Variants in TNR observed in about 807,000 individuals in gnomAD.
TNR encodes the protein tenascin R.
Under a neutral mutation model 150.4 loss-of-function variants are expected in TNR, and 45 were observed. The observed-to-expected ratio is 0.30, with a 90% CI of 0.24 to 0.38. The LOEUF is 0.38. Ranked by LOEUF, TNR falls within the 10% of genes least tolerant of loss-of-function variation. The pLI, the probability that TNR is intolerant of heterozygous loss-of-function variation, is 1.00. For synonymous variants in TNR, 687 were observed against 678.4 expected (o/e 1.01, Z -0.20); for missense variants, 1,544 against 1,759.1 (o/e 0.88, Z 2.19).
chr1:175,319,772 T>C lies in TNR; in HGVS notation c.*3585A>G, dbSNP rs1338114057. 2 of 152,258 alleles carry C rather than the reference T, an allele frequency of 1.3e-5. No homozygotes were observed. The highest frequency in any genetic ancestry group is 2.9e-5 in the Non-Finnish European group (2 of 68,048). 9.4% of individuals were successfully genotyped at this position (152,258 alleles called of 1,614,324 possible). ...CCTGGAAACTTGGAGACGTGGCCTTTCTCAACCCCGCTGACGTTTCACACG... is the reference window on the plus strand; with the variant it reads ...CCTGGAAACTTGGAGACGTGGCCTTCCTCAACCCCGCTGACGTTTCACACG... On this transcript the variant is annotated 3_prime_UTR_variant, in exon 23 of 23. Coordinates refer to ENST00000367674, the MANE Select transcript of TNR (RefSeq NM_003285.3).
chr1:175,521,634 TCTC>T (rs1659642853), intron 2 of TNR, among the ~76,000 whole-genome samples: 1 of 152,202 alleles, frequency 6.6e-6, no homozygotes, highest in Admixed American at 6.5e-5. Flanking sequence ...TTCTCTTTCA[TCTC>T]CTCCTTTTGT....
chr1:175,499,565 T>C (rs1026270044), intron 2 of TNR, among the ~76,000 whole-genome samples: 3 of 152,242 alleles, frequency 2.0e-5, no homozygotes, highest in African/African-American at 7.2e-5. Context: ...ACCCTAGCTT[T>C]AGCAGATGTG....
At chr1:175,491,595 C>A (rs1242960628) in intron 2 of TNR, among the ~76,000 whole-genome samples, 1 of 150,522 alleles carries the variant, frequency 6.6e-6, no homozygotes, top group African/African-American at 2.5e-5. Flanking sequence ...CACTTTCTAC[C>A]ATAGCACAAG....
chr1:175,429,821 C>T (rs1347740538), intron 2 of TNR, among the ~76,000 whole-genome samples: 1 of 152,128 alleles, frequency 6.6e-6, no homozygotes, highest in Non-Finnish European at 1.5e-5. Flanking sequence ...GTAGTCTCAT[C>T]ACCAAGAAGG....
chr1:175,669,725 C>A (rs1273017620), intron 1 of TNR, among the ~76,000 whole-genome samples: 1 of 152,202 alleles, frequency 6.6e-6, no homozygotes. Flanking sequence ...AGAATCAGAG[C>A]TGGCTGCAGG....
intron 1 of TNR, among the ~76,000 whole-genome samples, chr1:175,691,132 A>G (rs1666357961): frequency 1.3e-5 from 2 of 151,924 alleles, no homozygotes; most frequent in Admixed American, 1.3e-4. Flanking sequence ...GACAGCATGC[A>G]GCTGAGAAGG....
At chr1:175,415,692 G>T (rs2102056810) in intron 2 of TNR, among the ~76,000 whole-genome samples, 1 of 152,340 alleles carries the variant, frequency 6.6e-6, no homozygotes, top group African/African-American at 2.4e-5. Flanking sequence ...CCAGCTTCTG[G>T]TCTTGTCCTG....
chr1:175,431,744 G>T (rs1655273508), intron 2 of TNR, among the ~76,000 whole-genome samples: 1 of 151,324 alleles, frequency 6.6e-6, no homozygotes, highest in Non-Finnish European at 1.5e-5. Context: ...GTAGTCTTCT[G>T]GTCCCTCAAG....
At chr1:175,378,302 CTTCATTCA>C (rs71299425) in intron 9 of TNR, among the ~76,000 whole-genome samples, 4,780 of 151,190 alleles carry the variant, frequency 0.032, 189 homozygotes, top group African/African-American at 0.093. Flanking sequence ...ACTTCTGCAG[CTTCATTCA>C]TTCATTCATT....
chr1:175,407,050 G>T (rs1365408004), intron 2 of TNR, among the ~76,000 whole-genome samples: 1 of 152,210 alleles, frequency 6.6e-6, no homozygotes, highest in Non-Finnish European at 1.5e-5. Flanking sequence ...TGGGCAAATG[G>T]TTCTTGGAGG....
At chr1:175,485,159 G>C (rs1427580051) in intron 2 of TNR, among the ~76,000 whole-genome samples, 1 of 152,082 alleles carries the variant, frequency 6.6e-6, no homozygotes, top group Non-Finnish European at 1.5e-5. Context: ...TGATGCATTT[G>C]GCATTTCAGT....
At chr1:175,681,385 G>A (rs1322513873) in intron 1 of TNR, among the ~76,000 whole-genome samples, 1 of 152,192 alleles carries the variant, frequency 6.6e-6, no homozygotes, top group Non-Finnish European at 1.5e-5. Flanking sequence ...ACCCAGAGGT[G>A]CAGGAAGTCA....
At chr1:175,504,132 T>G (rs1658854845) in intron 2 of TNR, among the ~76,000 whole-genome samples, 1 of 151,724 alleles carries the variant, frequency 6.6e-6, no homozygotes, top group Non-Finnish European at 1.5e-5. Flanking sequence ...TTGAAGGGAG[T>G]TTCTAGAGTG....
At position 175,406,643 on chromosome 1, in the gene TNR, G is replaced by A. The variant is rs146677518; in HGVS notation, c.72C>T (p.Ser24=). 2.4e-3 allele frequency: 3,929 copies of A among 1,614,222 alleles called. 7 individuals carry two copies. Among genetic ancestry groups the A allele is most frequent in the Non-Finnish European group, 2.9e-3 (3,467 of 1,180,048 alleles). The change falls in exon 3 of 23, where the codon TCC becomes TCT. Residue 24 remains serine, a synonymous_variant. Transcript: ENST00000367674. ...LIGINLILLG[S]MIKPSECQLE... is the part of the protein sequence containing the mutation. The stretch of plus-strand genomic sequence containing the variant: ...GCTGACACTCTGAAGGCTTGATCAT[G>A]GAGCCCAGAAGGATCAGGTTGATGC...
intron 1 of TNR, among the ~76,000 whole-genome samples, chr1:175,634,197 A>G (rs952909616): frequency 3.9e-5 from 6 of 152,200 alleles, no homozygotes; most frequent in Non-Finnish European, 8.8e-5. Flanking sequence ...GGAGGAGGGC[A>G]GAGCTGTGTG....
At chr1:175,523,656 G>A (rs187386768) in intron 2 of TNR, among the ~76,000 whole-genome samples, 140 of 152,222 alleles carry the variant, frequency 9.2e-4, no homozygotes, top group Middle Eastern at 6.8e-3. Flanking sequence ...CCTTAGCACA[G>A]GTTATTTTGG....
intron 4 of TNR, among the ~76,000 whole-genome samples, chr1:175,400,013 T>C (rs1165563924): frequency 3.9e-5 from 6 of 152,330 alleles, no homozygotes; most frequent in South Asian, 2.1e-4. Context: ...GAAACAGCTT[T>C]CTGGATTGTC....
intron 2 of TNR, among the ~76,000 whole-genome samples, chr1:175,476,834 G>A (rs1180889677): frequency 1.3e-5 from 2 of 152,192 alleles, no homozygotes; most frequent in Non-Finnish European, 2.9e-5. Context: ...TGGAAGCTCA[G>A]AATGTGGGTG....
rs376631339 is a variant in TNR, at chr1:175,332,933, GGT to G, written c.3632-2700_3632-2699del. Reference sequence around the variant, plus strand: ...AATAACCTTGAATAATAGGAAGAAAGGTATTTCCAAATTTAATCTCAGTCTTT... The same window carrying G: ...AATAACCTTGAATAATAGGAAGAAAGATTTCCAAATTTAATCTCAGTCTTT... On this transcript the variant is annotated intron_variant, in intron 20 of 22. Coordinates refer to ENST00000367674, the MANE Select transcript of TNR (RefSeq NM_003285.3). 1.6e-3 allele frequency among the ~76,000 whole-genome samples: 249 copies of G among 152,240 alleles called. 1 individual carries two copies. Among genetic ancestry groups the G allele is most frequent in the African/African-American group, 5.7e-3 (236 of 41,498 alleles).
Sources: allele counts gnomAD v4.1 joint callset (sites outside exome capture counted in the v4.1 genomes callset), GRCh38; gene constraint gnomAD v4.1.1; transcripts MANE v1.5; gene names NCBI Gene and HGNC (gene_info 2026-07-23, HGNC 2026-07-21).